Variants in FLT3 observed in about 807,000 individuals in gnomAD.
FLT3 encodes the protein receptor-type tyrosine-protein kinase FLT3.
FLT3 carries 46 observed loss-of-function variants against 126.6 expected under a neutral mutation model. That is an observed-to-expected ratio of 0.36 (90% CI 0.29 to 0.46). The LOEUF (loss-of-function observed/expected upper bound fraction) is 0.46, where lower values mean the gene tolerates loss of function less well. Among genes scored for constraint, FLT3 ranks in the 20% least tolerant of loss-of-function variants. FLT3 has a pLI of 1.00. For synonymous variants in FLT3, 404 were observed against 434.4 expected (o/e 0.93, Z 0.87); for missense variants, 1,069 against 1,190.3 (o/e 0.90, Z 1.50).
intron 3 of FLT3, among the ~76,000 whole-genome samples, 169 bp from the exon 4 acceptor site, chr13:28,057,631 G>A (rs1432739931): frequency 3.3e-5 from 5 of 152,144 alleles, no homozygotes; most frequent in East Asian, 1.9e-4. Flanking sequence ...CAGCCTGGGC[G>A]TTGCTCGTTG....
intron 9 of FLT3, among the ~76,000 whole-genome samples, chr13:28,039,110 G>A (rs905015818): frequency 6.6e-6 from 1 of 152,216 alleles, no homozygotes; most frequent in Non-Finnish European, 1.5e-5. Flanking sequence ...AGCAGCGACT[G>A]AAGGCGCCAG....
Position 28,032,614 on chromosome 13 carries a change from T to G in FLT3, c.1942+1273A>C, listed in dbSNP as rs560271869. On this transcript the variant is annotated intron_variant, in intron 15 of 23. Transcript: ENST00000241453. ...AACAGAGCAAGGCTGTGTTTCAAAA[T>G]CAGCCACAACAACAAAAGCTGGATG... Among the ~76,000 whole-genome samples the G allele has an allele frequency of 2.6e-5, 4 of 151,530 alleles. No individual in the cohort carries two copies. The East Asian group carries it at 7.8e-4, about 30-fold the overall frequency.
chr13:28,024,943 G>T lies in FLT3; in HGVS notation c.2208C>A (p.Ser736Arg). The change falls in exon 18 of 24, where the codon AGC becomes AGA. Residue 736 changes from serine (S) to arginine (R), a missense_variant and splice_region_variant. Coordinates refer to ENST00000241453, the MANE Select transcript of FLT3 (RefSeq NM_004119.3). ...YPTFQSHPNS[S>R]MPGSREVQIH... ...TCTGAACTTCTCTTGAACCAGGCAT[G>T]CTATTAAAAAATTTTGTTTTTTCAT... 6.2e-7 allele frequency: 1 copy of T among 1,600,692 alleles called. No homozygotes were observed. Among genetic ancestry groups the T allele is most frequent in the South Asian group, 1.1e-5 (1 of 88,176 alleles).
intron 1 of FLT3, among the ~76,000 whole-genome samples, chr13:28,094,568 T>C (rs770632544): frequency 2.0e-5 from 3 of 152,212 alleles, no homozygotes; most frequent in Non-Finnish European, 4.4e-5. Flanking sequence ...GGCATGGTCG[T>C]AGCTCACTGC....
At chr13:28,084,487 T>C (rs1326315369) in intron 1 of FLT3, among the ~76,000 whole-genome samples, 9 of 152,124 alleles carry the variant, frequency 5.9e-5, no homozygotes, top group African/African-American at 2.2e-4. Context: ...CCTGTGTAGC[T>C]GGGAGTACAG....
At chr13:28,063,815 A>G (rs1008067786) in intron 2 of FLT3, among the ~76,000 whole-genome samples, 1 of 152,238 alleles carries the variant, frequency 6.6e-6, no homozygotes, top group Admixed American at 6.5e-5. Flanking sequence ...CAGGAGAAAT[A>G]CAAGTGTCCC....
Position 28,090,165 on chromosome 13 carries a change from C to T in FLT3, c.43+10303G>A, listed in dbSNP as rs911923082. Among the ~76,000 whole-genome samples the T allele has an allele frequency of 4.6e-5, 7 of 151,894 alleles. No homozygotes were observed. In the East Asian group the frequency reaches 5.8e-4, roughly 13 times the overall value. ...AAATGATTATCCTGCCTCAGCCTCC[C>T]GAGTAGCTGGGATTACAGGCGTGCA... is the stretch of plus-strand genomic sequence containing the variant. On this transcript the variant is annotated intron_variant, in intron 1 of 23. Transcript: ENST00000241453.
intron 1 of FLT3, among the ~76,000 whole-genome samples, chr13:28,089,927 GAT>G: frequency 6.6e-6 from 1 of 151,682 alleles, no homozygotes; most frequent in Middle Eastern, 3.4e-3. Flanking sequence ...TTTTAGTAGA[GAT>G]AAGGTTTCAC....
rs1404178864 is a variant in FLT3 at position 28,021,233 on chromosome 13, C to CA, written c.2418+2116dup. Among the ~76,000 whole-genome samples the CA allele has an allele frequency of 5.3e-5, 8 of 151,954 alleles. No homozygotes were observed. The East Asian group carries it at 1.5e-3, about 29-fold the overall frequency. ...GCAAAACCTTATCCCTACAAAAATA[C>CA]AAAAAAATTAGCCAGGTGTGGTGGT... On this transcript the variant is annotated intron_variant, in intron 19 of 23. Coordinates refer to ENST00000241453, the MANE Select transcript of FLT3 (RefSeq NM_004119.3).
chr13:28,077,093 G>A (rs959489916), intron 1 of FLT3, among the ~76,000 whole-genome samples: 1 of 9,612 alleles, frequency 1.0e-4, no homozygotes, highest in African/African-American at 1.2e-4. Context: ...GAAAGAAAAA[G>A]AGAAAAAGAA....
In FLT3 at chr13:28,062,022, G is replaced by A. The variant is rs776184675; in HGVS notation, c.213C>T (p.Ser71=). The A allele has an allele frequency of 2.5e-6, 4 of 1,612,866 alleles. No individual in the cohort carries two copies. In the East Asian group the frequency reaches 8.9e-5, roughly 36 times the overall value. Residue 71 remains serine (S), a synonymous_variant, in exon 3 of 24, where the codon AGC becomes AGT. Coordinates refer to ENST00000241453, the MANE Select transcript of FLT3 (RefSeq NM_004119.3). ...CGGCAGCTTCGTACACTGTCCCTGA[G>A]CTCTGGGGTCTCAACGCACACCCGA... ...EDLGCALRPQ[S]SGTVYEAAAV...
chr13:28,094,030 C>T (rs901967057), intron 1 of FLT3, among the ~76,000 whole-genome samples: 6 of 152,178 alleles, frequency 3.9e-5, no homozygotes, highest in African/African-American at 1.4e-4. Flanking sequence ...CTGCAAAACA[C>T]GTGCCTAACA....
intron 5 of FLT3, 62 bp downstream of exon 5, chr13:28,052,483 C>T: frequency 2.7e-6 from 4 of 1,484,274 alleles, no homozygotes; most frequent in Non-Finnish European, 3.7e-6. Context: ...TTGATGTCAA[C>T]TACATTAGAA....
At chr13:28,090,744 C>T (rs1242936359) in intron 1 of FLT3, among the ~76,000 whole-genome samples, 2 of 152,158 alleles carry the variant, frequency 1.3e-5, no homozygotes, top group African/African-American at 4.8e-5. Context: ...TGCCACTGCA[C>T]TCCAGCCTGG....
intron 15 of FLT3, among the ~76,000 whole-genome samples, chr13:28,032,717 A>G (rs1308184565): frequency 1.3e-5 from 2 of 152,222 alleles, no homozygotes; most frequent in Non-Finnish European, 2.9e-5. Context: ...AGATGAGCCC[A>G]CAAAGGACTG....
chr13:28,024,948 TA>T lies in FLT3; in HGVS notation c.2208-6del, dbSNP rs1872685465. On this transcript the variant is annotated splice_polypyrimidine_tract_variant and splice_region_variant and intron_variant, in intron 17 of 23. Coordinates refer to ENST00000241453, the MANE Select transcript of FLT3 (RefSeq NM_004119.3). ...ACTTCTCTTGAACCAGGCATGCTAT[TA>T]AAAAATTTTGTTTTTTCATTATTTA... 2 of 1,594,266 alleles carry T rather than the reference TA, an allele frequency of 1.3e-6. No homozygotes were observed. The highest frequency in any genetic ancestry group is 1.1e-5 in the South Asian group (1 of 87,350).
Position 28,049,416 on chromosome 13 carries a change from T to C in FLT3, c.1004A>G (p.His335Arg). Residue 335 changes from histidine to arginine, a missense_variant, in exon 8 of 24, where the codon CAT (histidine) becomes CGT (arginine). Coordinates refer to ENST00000241453, the MANE Select transcript of FLT3 (RefSeq NM_004119.3). ...TGYYTCSSSK[H>R]PSQSALVTIV... ...GGTAACCAAAGCTGATTGACTGGGA[T>C]GCTTTGAAGAGGAACAAGTGTAGTA... is the stretch of plus-strand genomic sequence containing the variant. The C allele has an allele frequency of 1.2e-6, 2 of 1,613,990 alleles. No homozygotes were observed. The highest frequency in any genetic ancestry group is 1.7e-6 in the Non-Finnish European group (2 of 1,179,980).
At chr13:28,036,081 G>A in intron 10 of FLT3, 38 bp from the exon 11 acceptor site, 3 of 1,538,794 alleles carry the variant, frequency 1.9e-6, no homozygotes, top group Non-Finnish European at 2.7e-6. Flanking sequence ...TCACTGGCTG[G>A]GCATAGTGGT....
At chr13:28,006,306 T>TTGTGTGTGTGTG (rs4002773) in intron 23 of FLT3, among the ~76,000 whole-genome samples, 2 of 146,994 alleles carry the variant, frequency 1.4e-5, no homozygotes, top group African/African-American at 5.0e-5. Context: ...TTCTAGAAAA[T>TTGTGTGTGTGTG]TGTGTGTGTG....
Sources: allele counts gnomAD v4.1 joint callset (sites outside exome capture counted in the v4.1 genomes callset), GRCh38; gene constraint gnomAD v4.1.1; transcripts MANE v1.5; gene names NCBI Gene and HGNC (gene_info 2026-07-23, HGNC 2026-07-21).